The following ADAMTSL1 variants were observed in gnomAD, a reference collection of about 807,000 sequenced individuals.
ADAMTSL1 encodes ADAMTS like 1, also known as ADAMTS-like protein 1.
A neutral mutation model predicts 201.8 loss-of-function variants in ADAMTSL1; 126 were observed. The observed-to-expected ratio is 0.62, with a 90% confidence interval of 0.54 to 0.72. The LOEUF (loss-of-function observed/expected upper bound fraction) is 0.72, where lower values mean the gene tolerates loss of function less well. Among genes scored for constraint, ADAMTSL1 ranks in the 30% least tolerant of loss-of-function variants. The pLI is 0.00. For missense variants in ADAMTSL1, 2,679 were observed against 2,277.8 expected, an observed-to-expected ratio of 1.18 and a Z score of -3.59; for synonymous variants, 1,121 against 903.4, an observed-to-expected ratio of 1.24 and a Z score of -4.32.
At position 18,846,456 on chromosome 9, in the gene ADAMTSL1, A is replaced by G. The variant is rs558101230; in HGVS notation, c.4249+16479A>G. Among the ~76,000 whole-genome samples the G allele has an allele frequency of 3.9e-4, 59 of 152,318 alleles. No individual in the cohort carries two copies. The South Asian group carries it at 0.012, about 31-fold the overall frequency. ...AAGAATGAAAATAGAAAACCTTTCA[A>G]GAACCTTTTTGGTCAGAGGTAAGGG... On this transcript the variant is annotated intron_variant, in intron 23 of 28. Transcript: ENST00000380548.
chr9:18,212,756 C>G (rs1366426198), intron 2 of ADAMTSL1, among the ~76,000 whole-genome samples: 9 of 152,120 alleles, frequency 5.9e-5, no homozygotes, highest in African/African-American at 2.2e-4. Flanking sequence ...AAGACAACTT[C>G]TAGCTCTAGG....
intron 2 of ADAMTSL1, among the ~76,000 whole-genome samples, chr9:18,173,399 T>G (rs1270887818): frequency 6.6e-6 from 1 of 152,086 alleles, no homozygotes; most frequent in Non-Finnish European, 1.5e-5. Context: ...GTGCCTCTAG[T>G]AAATAATGTC....
chr9:17,964,542 TACTC>T (rs1043041970), intron 1 of ADAMTSL1, among the ~76,000 whole-genome samples: 3 of 147,726 alleles, frequency 2.0e-5, no homozygotes, highest in Non-Finnish European at 4.5e-5. Flanking sequence ...TACATGAACA[TACTC>T]ACATAACAAA....
rs556370674 is a variant in ADAMTSL1, at chr9:18,149,812, C to A, written c.88-14050C>A. Among the ~76,000 whole-genome samples, 6 of 152,122 alleles carry A rather than the reference C, an allele frequency of 3.9e-5. No homozygotes were observed. In the South Asian group the frequency reaches 8.3e-4, roughly 21 times the overall value. ...AATGCTATAGTTGTCCAGGAGAGGG[C>A]TGACCAAACCTGCAGATGGAGCAGT... On this transcript the variant is annotated intron_variant, in intron 1 of 29. Transcript: ENST00000680146.
intron 2 of ADAMTSL1, among the ~76,000 whole-genome samples, chr9:18,210,269 TTAA>T (rs1373000942): frequency 2.0e-5 from 3 of 151,112 alleles, no homozygotes; most frequent in Non-Finnish European, 4.4e-5. Flanking sequence ...GAGTTTTTAA[TTAA>T]TACTTTAATT....
chr9:18,401,486 G>A (rs1817982113), intron 2 of ADAMTSL1, among the ~76,000 whole-genome samples: 1 of 152,192 alleles, frequency 6.6e-6, no homozygotes, highest in African/African-American at 2.4e-5. Flanking sequence ...CCAGCTACCT[G>A]GGACCAAGCT....
chr9:18,729,271 A>G (rs1818075402), intron 15 of ADAMTSL1, among the ~76,000 whole-genome samples: 1 of 152,212 alleles, frequency 6.6e-6, no homozygotes, highest in African/African-American at 2.4e-5. Flanking sequence ...GAAGGTAATG[A>G]TAATTATCCA....
Position 18,569,180 on chromosome 9 carries a change from A to G in ADAMTSL1, c.238-4850A>G, listed in dbSNP as rs1458038171. 1.3e-5 allele frequency among the ~76,000 whole-genome samples: 2 copies of G among 152,212 alleles called. 1 individual carries two copies. Among genetic ancestry groups the G allele is most frequent in the African/African-American group, 4.8e-5 (2 of 41,462 alleles). On this transcript the variant is annotated intron_variant, in intron 3 of 28. Transcript: ENST00000380548. ...CATCATCAGGGGACATCTGGGATCC[A>G]TCTTATCTTTCCCACTGGATAGTTG...
At chr9:18,132,456 T>G (rs1825992349) in intron 1 of ADAMTSL1, among the ~76,000 whole-genome samples, 2 of 152,120 alleles carry the variant, frequency 1.3e-5, no homozygotes, top group African/African-American at 2.4e-5. Flanking sequence ...TCCTAACTAC[T>G]CTTAATTGTT....
At chr9:18,836,227 T>A (rs1347149324) in intron 23 of ADAMTSL1, among the ~76,000 whole-genome samples, 1 of 152,198 alleles carries the variant, frequency 6.6e-6, no homozygotes, top group Non-Finnish European at 1.5e-5. Context: ...TATCTCATTG[T>A]CTTCTTTTGA....
At chr9:18,574,367 C>A (rs1822566956) in intron 4 of ADAMTSL1, 101 bp downstream of exon 4, 1 of 1,058,374 alleles carries the variant, frequency 9.4e-7, no homozygotes, top group East Asian at 2.4e-5. Flanking sequence ...CATCTTTACA[C>A]TTTTTAGAGT....
chr9:18,722,511 G>A (rs1012745802), intron 15 of ADAMTSL1, among the ~76,000 whole-genome samples: 1 of 152,190 alleles, frequency 6.6e-6, no homozygotes, highest in African/African-American at 2.4e-5. Flanking sequence ...GTTAATACCT[G>A]TATTGCTGTC....
At chr9:18,594,792 T>A (rs1214841509) in intron 4 of ADAMTSL1, among the ~76,000 whole-genome samples, 1 of 152,238 alleles carries the variant, frequency 6.6e-6, no homozygotes, top group Non-Finnish European at 1.5e-5. Flanking sequence ...CACCTCTCCA[T>A]CCCTTTAGGG....
At chr9:18,625,405 T>C (rs746858036) in intron 5 of ADAMTSL1, among the ~76,000 whole-genome samples, 5 of 152,128 alleles carry the variant, frequency 3.3e-5, no homozygotes, top group Non-Finnish European at 7.4e-5. Flanking sequence ...TGGCTGCCAT[T>C]TGCTGGTGAT....
chr9:18,723,041 A>G (rs1817642006), intron 15 of ADAMTSL1: 1 of 779,710 alleles, frequency 1.3e-6, no homozygotes, highest in African/African-American at 1.7e-5. Flanking sequence ...TCAGCATGGA[A>G]CGCCTGCAAC....
chr9:18,024,470 T>C (rs1436627254), intron 1 of ADAMTSL1, among the ~76,000 whole-genome samples: 6 of 152,078 alleles, frequency 3.9e-5, no homozygotes, highest in Non-Finnish European at 7.4e-5. Context: ...TTTATGTCCC[T>C]GTGAATTCAA....
chr9:18,599,569 G>C (rs1824490464), intron 4 of ADAMTSL1, among the ~76,000 whole-genome samples: 1 of 152,106 alleles, frequency 6.6e-6, no homozygotes, highest in Non-Finnish European at 1.5e-5. Flanking sequence ...TTTGGGTTTA[G>C]CCTCCCATTT....
At chr9:18,694,043 A>G (rs1471069896) in intron 13 of ADAMTSL1, among the ~76,000 whole-genome samples, 4 of 152,174 alleles carry the variant, frequency 2.6e-5, no homozygotes, top group Non-Finnish European at 5.9e-5. Context: ...GGAAGCAGGC[A>G]CATCTTACAT....
At chr9:18,864,870 A>G (rs1376770943) in intron 23 of ADAMTSL1, among the ~76,000 whole-genome samples, 3 of 152,168 alleles carry the variant, frequency 2.0e-5, no homozygotes, top group African/African-American at 7.2e-5. Context: ...GCAAATAATG[A>G]GGGGAACCCC....
Sources: gnomAD v4.1 joint callset for allele counts (sites outside exome capture counted in the v4.1 genomes callset) on GRCh38, gnomAD v4.1.1 for gene constraint, MANE v1.5 for transcripts, NCBI Gene and HGNC (gene_info 2026-07-23, HGNC 2026-07-21) for gene names.